Variants in ATF6 observed in about 807,000 individuals in gnomAD.
ATF6 encodes activating transcription factor 6, also known as cyclic AMP-dependent transcription factor ATF-6 alpha.
In ATF6, 53 loss-of-function variants were observed where a neutral mutation model predicts 83.6. That is an observed-to-expected ratio of 0.63 (90% confidence interval 0.51 to 0.80). ATF6 has a LOEUF of 0.80. ATF6 is among the 30% of genes least tolerant of loss of function. The probability of loss-of-function intolerance (pLI) is 0.00; values close to 1 mark genes in which losing one functional copy is unlikely to be tolerated. For synonymous variants in ATF6, 288 were observed against 285.8 expected (o/e 1.01, Z -0.08); for missense variants, 744 against 797.9 (o/e 0.93, Z 0.81).
chr1:161,775,290 T>C (rs943910276), intron 1 of ATF6, among the ~76,000 whole-genome samples: 3 of 152,228 alleles, frequency 2.0e-5, no homozygotes, highest in Non-Finnish European at 4.4e-5. Context: ...TGTATTTTAT[T>C]GCTATTTTGG....
In ATF6 at chr1:161,819,639, G is replaced by A; in HGVS notation, c.916G>A (p.Val306Met). 1 of 1,592,358 alleles carries A rather than the reference G, an allele frequency of 6.3e-7. No individual in the cohort carries two copies. The highest frequency in any genetic ancestry group is 8.5e-7 in the Non-Finnish European group (1 of 1,171,936). ...TMRNVGSDIAVLRRQQRMIKN... is the reference protein window; with the variant it reads ...TMRNVGSDIAMLRRQQRMIKN... ...TCATTATAACTTTTTCTAGATTGCT[G>A]TGCTAAGGAGACAGCAACGTATGAT... is the stretch of plus-strand genomic sequence containing the variant. Residue 306 changes from valine (V) to methionine (M), a missense_variant, in exon 8 of 16, where the codon GTG (valine) becomes ATG (methionine). Coordinates refer to ENST00000367942, the MANE Select transcript of ATF6 (RefSeq NM_007348.4).
At chr1:161,819,925 T>G (rs1298698491) in intron 8 of ATF6, 107 bp downstream of exon 8, 1 of 1,090,680 alleles carries the variant, frequency 9.2e-7, no homozygotes, top group African/African-American at 1.6e-5. Flanking sequence ...ATAATAGTGC[T>G]AGGAAAAGGA....
intron 7 of ATF6, among the ~76,000 whole-genome samples, chr1:161,805,480 A>G (rs1026665123): frequency 1.3e-5 from 2 of 152,140 alleles, no homozygotes; most frequent in African/African-American, 2.4e-5. Flanking sequence ...AAGCCTTTCA[A>G]TATGAGTTTT....
chr1:161,815,593 T>G (rs1685594507), intron 7 of ATF6, among the ~76,000 whole-genome samples: 1 of 152,076 alleles, frequency 6.6e-6, no homozygotes, highest in East Asian at 1.9e-4. Context: ...AAAAAGAGAC[T>G]ATAATAACTT....
intron 15 of ATF6, among the ~76,000 whole-genome samples, chr1:161,948,477 G>A (rs1571257728): frequency 6.6e-6 from 1 of 152,286 alleles, no homozygotes; most frequent in South Asian, 2.1e-4. Context: ...TGATTGTATT[G>A]CTGAGAGTAG....
intron 12 of ATF6, among the ~76,000 whole-genome samples, chr1:161,854,678 T>C (rs987266853): frequency 2.0e-5 from 3 of 152,134 alleles, no homozygotes; most frequent in African/African-American, 7.2e-5. Context: ...AAGACCATCC[T>C]GGCTAACACA....
At chr1:161,943,989 G>A (rs1021858256) in intron 15 of ATF6, among the ~76,000 whole-genome samples, 1 of 152,120 alleles carries the variant, frequency 6.6e-6, no homozygotes, top group African/African-American at 2.4e-5. Flanking sequence ...AACATACTGG[G>A]CACATAGCAG....
At chr1:161,895,895 C>G (rs1386630809) in intron 14 of ATF6, among the ~76,000 whole-genome samples, 3 of 152,190 alleles carry the variant, frequency 2.0e-5, no homozygotes, top group Admixed American at 2.0e-4. Flanking sequence ...AGCACTTAAA[C>G]ATTTCTGGAA....
At chr1:161,828,618 G>C (rs1272601628) in intron 9 of ATF6, among the ~76,000 whole-genome samples, 1 of 152,170 alleles carries the variant, frequency 6.6e-6, no homozygotes, top group Non-Finnish European at 1.5e-5. Context: ...CAGGGAGACT[G>C]TTATTAAGTA....
intron 14 of ATF6, among the ~76,000 whole-genome samples, chr1:161,876,228 A>G (rs1426088299): frequency 6.6e-6 from 1 of 151,984 alleles, no homozygotes; most frequent in Non-Finnish European, 1.5e-5. Flanking sequence ...CATAAAGTTT[A>G]TAGATTCTTC....
chr1:161,773,699 T>G (rs1350811633), intron 1 of ATF6, among the ~76,000 whole-genome samples: 1 of 152,196 alleles, frequency 6.6e-6, no homozygotes, highest in Non-Finnish European at 1.5e-5. Flanking sequence ...GGAAAGTTTG[T>G]TGAGTACACT....
intron 14 of ATF6, among the ~76,000 whole-genome samples, chr1:161,882,442 A>C (rs1055634028): frequency 6.6e-6 from 1 of 152,012 alleles, no homozygotes; most frequent in Non-Finnish European, 1.5e-5. Flanking sequence ...GGGCTAATCT[A>C]TTAGTAGTTT....
chr1:161,860,465 G>A (rs1686859881), intron 13 of ATF6, among the ~76,000 whole-genome samples, 188 bp downstream of exon 13: 1 of 150,730 alleles, frequency 6.6e-6, no homozygotes, highest in Admixed American at 6.6e-5. Flanking sequence ...TTGGAATAAA[G>A]CCAGATAATT....
intron 7 of ATF6, among the ~76,000 whole-genome samples, chr1:161,803,424 A>G (rs558580568): frequency 6.6e-6 from 1 of 152,356 alleles, no homozygotes; most frequent in South Asian, 2.1e-4. Context: ...CTATGAGACT[A>G]GAGACCATGG....
chr1:161,780,308 A>C (rs1483527415), intron 2 of ATF6, among the ~76,000 whole-genome samples: 3 of 152,180 alleles, frequency 2.0e-5, no homozygotes, highest in African/African-American at 7.2e-5. Flanking sequence ...AATTGTTAAC[A>C]AATGGTCGTT....
intron 9 of ATF6, among the ~76,000 whole-genome samples, chr1:161,836,763 T>A (rs1214614307): frequency 6.6e-6 from 1 of 152,224 alleles, no homozygotes; most frequent in Non-Finnish European, 1.5e-5. Flanking sequence ...AGCATCCTAG[T>A]GGCTTTACCT....
At chr1:161,920,152 T>C (rs1215616350) in intron 15 of ATF6, among the ~76,000 whole-genome samples, 1 of 152,112 alleles carries the variant, frequency 6.6e-6, no homozygotes, top group African/African-American at 2.4e-5. Flanking sequence ...AAAAGTATTA[T>C]CTACCTTGCA....
chr1:161,856,285 C>A (rs1164094595), intron 12 of ATF6, among the ~76,000 whole-genome samples: 1 of 152,206 alleles, frequency 6.6e-6, no homozygotes, highest in East Asian at 1.9e-4. Flanking sequence ...GCCTCTCCAA[C>A]TTTTTTCACC....
chr1:161,891,357 C>G (rs10753666), intron 14 of ATF6: 137,368 of 152,296 alleles, frequency 0.9, 62,097 homozygotes, highest in African/African-American at 0.96. Context: ...CCTGAAGGTG[C>G]AGGACGGCAA....
Sources: gnomAD v4.1 joint callset for allele counts (sites outside exome capture counted in the v4.1 genomes callset) on GRCh38, gnomAD v4.1.1 for gene constraint, MANE v1.5 for transcripts, NCBI Gene and HGNC (gene_info 2026-07-23, HGNC 2026-07-21) for gene names.